ASTN2: variants seen among roughly 807,000 people sequenced by gnomAD.
ASTN2 encodes the protein astrotactin 2.
In ASTN2, 54 loss-of-function variants were observed where a neutral mutation model predicts 139.8. The ratio of observed to expected loss-of-function variants is 0.39; its 90% CI spans 0.31 to 0.48. ASTN2 has a LOEUF of 0.48. ASTN2 is among the 20% of genes least tolerant of loss of function. The pLI, the probability that ASTN2 is intolerant of heterozygous loss-of-function variation, is 0.95. For missense variants in ASTN2, 1,565 were observed against 1,725.1 expected (o/e 0.91, Z 1.64); for synonymous variants, 756 against 719.5 (o/e 1.05, Z -0.81).
intron 2 of ASTN2, among the ~76,000 whole-genome samples, chr9:117,244,676 G>A (rs530596026): frequency 1.3e-4 from 19 of 144,232 alleles, no homozygotes; most frequent in African/African-American, 5.0e-4. Flanking sequence ...ATGGATGGAT[G>A]GAAGGACAGA....
rs929494973 is a variant in ASTN2 at position 117,358,655 on chromosome 9, G to C, written c.442+55842C>G. 5.9e-5 allele frequency among the ~76,000 whole-genome samples: 9 copies of C among 152,260 alleles called. No individual in the cohort carries two copies. In the East Asian group the frequency reaches 1.7e-3, roughly 29 times the overall value. On this transcript the variant is annotated intron_variant, in intron 1 of 22. Transcript: ENST00000313400. ...ATGTAATTTACAACAGGCAGTGCCT[G>C]AAAGTGACTTTCTCAGCATCTGCTC...
chr9:116,970,996 T>G (rs1410644009), intron 10 of ASTN2, among the ~76,000 whole-genome samples: 1 of 152,038 alleles, frequency 6.6e-6, no homozygotes, highest in Non-Finnish European at 1.5e-5. Context: ...ACAAGCATCT[T>G]TTATTCCATC....
At chr9:116,965,448 T>A (rs1835987298) in intron 10 of ASTN2, among the ~76,000 whole-genome samples, 1 of 152,202 alleles carries the variant, frequency 6.6e-6, no homozygotes, top group African/African-American at 2.4e-5. Context: ...GGAAGAGAAC[T>A]ATTTCTCCCT....
intron 3 of ASTN2, among the ~76,000 whole-genome samples, chr9:117,170,519 A>T (rs1203736620): frequency 2.0e-5 from 3 of 152,208 alleles, no homozygotes; most frequent in Non-Finnish European, 4.4e-5. Context: ...ATCAATAAGT[A>T]AAATATAAGC....
At chr9:116,605,120 A>G (rs1855123276) in intron 19 of ASTN2, among the ~76,000 whole-genome samples, 1 of 151,836 alleles carries the variant, frequency 6.6e-6, no homozygotes. Context: ...AAGGAAGGAG[A>G]GAGGAAAGGA....
intron 10 of ASTN2, among the ~76,000 whole-genome samples, chr9:116,867,516 C>T (rs1322270844): frequency 1.4e-5 from 2 of 141,282 alleles, no homozygotes; most frequent in South Asian, 2.4e-4. Context: ...CGCCACTGCA[C>T]TCCAGCCTGG....
chr9:116,687,233 G>A lies in ASTN2; in HGVS notation c.2807-35440C>T, dbSNP rs796941540. ...GCGCTTGGGGCCAGCTGCACGACAA[G>A]CCCCAGCATGCTGGGGAGGCGGGGC... On this transcript the variant is annotated intron_variant, in intron 16 of 22. Transcript: ENST00000313400. 1.3e-4 allele frequency: 126 copies of A among 999,586 alleles called. No homozygotes were observed. The African/African-American group carries it at 1.9e-3, about 15-fold the overall frequency. 61.9% of individuals were successfully genotyped at this position (999,586 alleles called of 1,614,324 possible).
chr9:117,219,569 C>G (rs190264562), intron 2 of ASTN2, among the ~76,000 whole-genome samples: 210 of 152,310 alleles, frequency 1.4e-3, no homozygotes, highest in African/African-American at 4.9e-3. Flanking sequence ...CCTAGGCAAA[C>G]AAGGCTGAGG....
intron 13 of ASTN2, among the ~76,000 whole-genome samples, chr9:116,771,929 C>A (rs1294949125): frequency 6.6e-6 from 1 of 152,216 alleles, no homozygotes; most frequent in Non-Finnish European, 1.5e-5. Flanking sequence ...ACATCAGTGC[C>A]AACATTCCAC....
At chr9:116,437,427 G>A (rs930998065) in intron 22 of ASTN2, 1 of 471,242 alleles carries the variant, frequency 2.1e-6, no homozygotes, top group African/African-American at 2.0e-5. Flanking sequence ...GAGGAAGCTG[G>A]GTGACAGGGT....
chr9:116,489,739 G>T (rs73522419), intron 19 of ASTN2, among the ~76,000 whole-genome samples: 1 of 152,348 alleles, frequency 6.6e-6, no homozygotes, highest in Middle Eastern at 3.4e-3. Flanking sequence ...GGATTCAGCC[G>T]AACAACAGTT....
intron 11 of ASTN2, among the ~76,000 whole-genome samples, chr9:116,854,842 CAG>C (rs1182995640): frequency 6.6e-6 from 1 of 151,880 alleles, no homozygotes; most frequent in Non-Finnish European, 1.5e-5. Context: ...TTAGTAGAGA[CAG>C]GGTTTCACCA....
chr9:117,288,944 T>C (rs769490557), intron 2 of ASTN2, among the ~76,000 whole-genome samples: 13 of 152,200 alleles, frequency 8.5e-5, no homozygotes, highest in Admixed American at 7.9e-4. Flanking sequence ...TGAGGACTTG[T>C]TGTGTCTACA....
intron 22 of ASTN2, among the ~76,000 whole-genome samples, chr9:116,438,026 C>G (rs1397009683): frequency 6.6e-6 from 1 of 152,152 alleles, no homozygotes; most frequent in Non-Finnish European, 1.5e-5. Flanking sequence ...GCTCATTTTG[C>G]CCCATGGGAC....
At chr9:116,597,083 G>T (rs1469237806) in intron 19 of ASTN2, among the ~76,000 whole-genome samples, 2 of 123,870 alleles carry the variant, frequency 1.6e-5, no homozygotes, top group African/African-American at 5.3e-5. Flanking sequence ...CTCAAGGATG[G>T]TTATATTTTT....
At chr9:116,854,233 C>T (rs1266586402) in intron 11 of ASTN2, among the ~76,000 whole-genome samples, 2 of 152,200 alleles carry the variant, frequency 1.3e-5, no homozygotes, top group African/African-American at 2.4e-5. Flanking sequence ...ATTGCCACCA[C>T]CACCATACTC....
intron 4 of ASTN2, among the ~76,000 whole-genome samples, chr9:117,104,356 C>T (rs1829052436): frequency 6.6e-6 from 1 of 151,994 alleles, no homozygotes; most frequent in African/African-American, 2.4e-5. Flanking sequence ...ACATACAAAC[C>T]TCTCCATGAC....
chr9:116,912,546 T>C (rs1834343293), intron 10 of ASTN2, among the ~76,000 whole-genome samples: 1 of 152,238 alleles, frequency 6.6e-6, no homozygotes, highest in Non-Finnish European at 1.5e-5. Flanking sequence ...TGTTAATATT[T>C]GTAGTTGTTG....
At chr9:116,894,368 G>T (rs906365630) in intron 10 of ASTN2, among the ~76,000 whole-genome samples, 1 of 152,174 alleles carries the variant, frequency 6.6e-6, no homozygotes, top group Non-Finnish European at 1.5e-5. Flanking sequence ...GAGAAAAATA[G>T]CCAAATGACA....
Sources: gnomAD v4.1 joint callset for allele counts (sites outside exome capture counted in the v4.1 genomes callset) on GRCh38, gnomAD v4.1.1 for gene constraint, MANE v1.5 for transcripts, NCBI Gene and HGNC (gene_info 2026-07-23, HGNC 2026-07-21) for gene names.